TFEC: variants seen among roughly 807,000 people sequenced by gnomAD.
The protein encoded by TFEC is transcription factor EC.
Under a neutral mutation model 41.6 loss-of-function variants are expected in TFEC, and 31 were observed. That is an observed-to-expected ratio of 0.74 (90% CI 0.56 to 1.01). The LOEUF (loss-of-function observed/expected upper bound fraction) is 1.01, where lower values mean the gene tolerates loss of function less well. Ranked by LOEUF, TFEC falls within the 50% of genes least tolerant of loss-of-function variation. The pLI, the probability that TFEC is intolerant of heterozygous loss-of-function variation, is 0.00. For synonymous variants in TFEC, 143 were observed against 140.6 expected (o/e 1.02, Z -0.12); for missense variants, 402 against 404.1 (o/e 0.99, Z 0.04).
chr7:116,036,844 C>T (rs538304674), intron 3 of TFEC, among the ~76,000 whole-genome samples: 113 of 152,154 alleles, frequency 7.4e-4, no homozygotes, highest in Non-Finnish European at 1.3e-3. Context: ...TTATATCTGA[C>T]TTTTGGCCAG....
At chr7:116,107,632 A>T (rs1436517612) in intron 3 of TFEC, among the ~76,000 whole-genome samples, 2 of 152,198 alleles carry the variant, frequency 1.3e-5, no homozygotes, top group Non-Finnish European at 2.9e-5. Context: ...TTTCCTGGAA[A>T]TAGCAGCCAA....
At chr7:115,971,789 G>T (rs1275899418) in intron 3 of TFEC, among the ~76,000 whole-genome samples, 2 of 151,972 alleles carry the variant, frequency 1.3e-5, no homozygotes, top group Non-Finnish European at 2.9e-5. Flanking sequence ...CTGGGAATAG[G>T]CTATGACAGT....
At chr7:116,030,836 A>G, upstream of TFEC, 1 of 985,316 alleles carries the variant, frequency 1.0e-6, no homozygotes, top group Non-Finnish European at 1.2e-6. Flanking sequence ...CATTTCCTGA[A>G]CCCTGGTTGG....
chr7:116,016,675 A>G, intron 1 of TFEC, among the ~76,000 whole-genome samples: 1 of 152,024 alleles, frequency 6.6e-6, no homozygotes, highest in African/African-American at 2.4e-5. Context: ...AGGCCCAGCT[A>G]CGTAGTATAT....
At chr7:116,147,273 A>C (rs1452854399) in intron 1 of TFEC, among the ~76,000 whole-genome samples, 1 of 152,230 alleles carries the variant, frequency 6.6e-6, no homozygotes, top group Non-Finnish European at 1.5e-5. Context: ...AATTACATAA[A>C]AGAAATCTAT....
At chr7:116,085,565 C>A (rs1797185424) in intron 3 of TFEC, among the ~76,000 whole-genome samples, 1 of 151,818 alleles carries the variant, frequency 6.6e-6, no homozygotes, top group Non-Finnish European at 1.5e-5. Flanking sequence ...GTCAAAAGAA[C>A]ATGCCAATAA....
chr7:116,124,680 A>G (rs1798175255), intron 1 of TFEC, among the ~76,000 whole-genome samples: 1 of 152,104 alleles, frequency 6.6e-6, no homozygotes, highest in Non-Finnish European at 1.5e-5. Flanking sequence ...AAATAATTAG[A>G]CTATTTTAAG....
At chr7:116,079,719 T>C (rs957860352) in intron 3 of TFEC, among the ~76,000 whole-genome samples, 2 of 152,116 alleles carry the variant, frequency 1.3e-5, no homozygotes, top group Non-Finnish European at 2.9e-5. Context: ...GATGCATGAA[T>C]GGGTAGAATC....
At chr7:116,075,428 C>CA (rs374744516) in intron 3 of TFEC, among the ~76,000 whole-genome samples, 5 of 151,940 alleles carry the variant, frequency 3.3e-5, no homozygotes, top group African/African-American at 9.7e-5. Context: ...ACTGAGACAG[C>CA]AAAAAAATGT....
At chr7:115,964,978 G>C (rs1292900519) in intron 3 of TFEC, among the ~76,000 whole-genome samples, 2 of 151,576 alleles carry the variant, frequency 1.3e-5, no homozygotes, top group Non-Finnish European at 3.0e-5. Context: ...TAGCAAAGGA[G>C]AAAGAACAGA....
Position 115,940,351 on chromosome 7 carries a change from CT to C in TFEC, c.*199del, listed in dbSNP as rs1793424695. 8 of 541,092 alleles carry C rather than the reference CT, an allele frequency of 1.5e-5. No individual in the cohort carries two copies. The highest frequency in any genetic ancestry group is 3.3e-5 in the East Asian group (1 of 30,740). The allele number at this position is 541,092 out of a possible 1,614,324, so 33.5% of individuals were successfully genotyped here. On this transcript the variant is annotated 3_prime_UTR_variant, in exon 8 of 8. Transcript: ENST00000265440. ...ACTCCGTAGTCAAAGAAGAAAACAC[CT>C]TTTTTTCGCCCTCAATAATTCATTA... is the stretch of plus-strand genomic sequence containing the variant.
chr7:116,021,966 T>C (rs967410847), intron 1 of TFEC, among the ~76,000 whole-genome samples: 2 of 152,066 alleles, frequency 1.3e-5, no homozygotes, highest in African/African-American at 4.8e-5. Flanking sequence ...CCCCCCAGAG[T>C]TGGTCCTCAG....
chr7:116,083,101 G>A (rs74301887), intron 3 of TFEC, among the ~76,000 whole-genome samples: 23,666 of 151,560 alleles, frequency 0.16, 1,999 homozygotes, highest in East Asian at 0.33. Flanking sequence ...TAAGTACTAC[G>A]AAAATATTTA....
intron 1 of TFEC, among the ~76,000 whole-genome samples, chr7:116,146,249 A>C (rs763647418): frequency 9.9e-5 from 15 of 152,186 alleles, no homozygotes; most frequent in Non-Finnish European, 1.5e-4. Context: ...ATCCCTGACA[A>C]AACAGAGTTC....
chr7:116,105,264 C>T (rs987743626), intron 3 of TFEC, among the ~76,000 whole-genome samples: 4 of 152,298 alleles, frequency 2.6e-5, no homozygotes, highest in African/African-American at 4.8e-5. Flanking sequence ...ACCACTAGTA[C>T]ATATGCAGTA....
chr7:115,991,074 C>T (rs1161635225), intron 1 of TFEC, among the ~76,000 whole-genome samples: 5 of 152,148 alleles, frequency 3.3e-5, no homozygotes, highest in African/African-American at 1.2e-4. Flanking sequence ...GGGGCCAGTA[C>T]TCAAAATTCA....
At chr7:116,097,587 G>A (rs569628769) in intron 3 of TFEC, among the ~76,000 whole-genome samples, 6 of 152,222 alleles carry the variant, frequency 3.9e-5, no homozygotes, top group African/African-American at 1.4e-4. Context: ...TGGCGATGCA[G>A]GACAAAGGGA....
chr7:116,067,826 C>T (rs1397990199), intron 3 of TFEC, among the ~76,000 whole-genome samples: 1 of 151,848 alleles, frequency 6.6e-6, no homozygotes, highest in Non-Finnish European at 1.5e-5. Flanking sequence ...GGCCATTAAC[C>T]TGCAGCATTC....
chr7:116,128,300 G>T (rs1798256756), intron 1 of TFEC, among the ~76,000 whole-genome samples: 1 of 152,108 alleles, frequency 6.6e-6, no homozygotes, highest in Admixed American at 6.5e-5. Flanking sequence ...TGGCAAAAAT[G>T]AGGCTAGAAG....
Sources: gnomAD v4.1 joint callset for allele counts (sites outside exome capture counted in the v4.1 genomes callset) on GRCh38, gnomAD v4.1.1 for gene constraint, MANE v1.5 for transcripts, NCBI Gene and HGNC (gene_info 2026-07-23, HGNC 2026-07-21) for gene names.